The following NALF1 variants were observed in gnomAD, a reference collection of about 807,000 sequenced individuals.
The protein encoded by NALF1 is NALCN channel auxiliary factor 1.
Under a neutral mutation model 48.4 loss-of-function variants are expected in NALF1, and 3 were observed. That is an observed-to-expected ratio of 0.06 (90% CI 0.03 to 0.16). NALF1 has a LOEUF of 0.16. Among genes scored for constraint, NALF1 ranks in the 10% least tolerant of loss-of-function variants. The pLI is 1.00. For missense variants in NALF1, 526 were observed against 571.5 expected (o/e 0.92, Z 0.81); for synonymous variants, 262 against 245.7 (o/e 1.07, Z -0.62).
intron 1 of NALF1, among the ~76,000 whole-genome samples, chr13:107,246,371 C>G (rs896861584): frequency 6.6e-6 from 1 of 151,692 alleles, no homozygotes; most frequent in Non-Finnish European, 1.5e-5. Context: ...ATGAAGAGAA[C>G]AAAACAGATA....
At chr13:107,761,915 T>G (rs2138562080) in intron 1 of NALF1, among the ~76,000 whole-genome samples, 1 of 152,336 alleles carries the variant, frequency 6.6e-6, no homozygotes, top group African/African-American at 2.4e-5. Context: ...TTAAATGATT[T>G]AATATAAGGA....
At position 107,866,338 on chromosome 13, in the gene NALF1, TCTGCTGCTG is replaced by T. The variant is rs756515049; in HGVS notation, c.250_258del (p.Gln84_Gln86del). On this transcript the variant is annotated inframe_deletion, in exon 1 of 3. Coordinates refer to ENST00000375915, the MANE Select transcript of NALF1 (RefSeq NM_001080396.3). This position sits in a 1 kb window ranked among gnomAD's most constrained non-coding sequence, Gnocchi z 4.4. ...TGCTGCTGCTGCTGCTGCCGCTGCCTCTGCTGCTGCTGCTGCTGCTGCTGCTGCCGCTGC... is the reference window on the plus strand; with the variant it reads ...TGCTGCTGCTGCTGCTGCCGCTGCCTCTGCTGCTGCTGCTGCTGCCGCTGC... The T allele has an allele frequency of 2.6e-4, 415 of 1,598,748 alleles. 1 individual carries two copies. The highest frequency in any genetic ancestry group is 2.1e-3 in the South Asian group (185 of 89,748).
chr13:107,579,947 G>T (rs1566401671), intron 1 of NALF1, among the ~76,000 whole-genome samples: 2 of 151,760 alleles, frequency 1.3e-5, no homozygotes, highest in Non-Finnish European at 2.9e-5. Flanking sequence ...CCATTACTGG[G>T]TATATACCCA....
intron 1 of NALF1, among the ~76,000 whole-genome samples, chr13:107,732,008 T>C (rs535697252): frequency 4.7e-4 from 71 of 152,312 alleles, no homozygotes; most frequent in African/African-American, 1.6e-3. Flanking sequence ...AATTTAGAAT[T>C]GTTGGGGCCC....
At chr13:107,844,885 G>T (rs2138637716) in intron 1 of NALF1, among the ~76,000 whole-genome samples, 1 of 152,074 alleles carries the variant, frequency 6.6e-6, no homozygotes, top group Admixed American at 6.5e-5. Context: ...CCCAACAGTT[G>T]GTTCTTTCCT....
chr13:107,500,912 T>C (rs1156377456), intron 1 of NALF1, among the ~76,000 whole-genome samples: 1 of 136,682 alleles, frequency 7.3e-6, no homozygotes, highest in Non-Finnish European at 1.5e-5. Flanking sequence ...TGAAAACACA[T>C]GGACACAGGA....
intron 1 of NALF1, among the ~76,000 whole-genome samples, chr13:107,740,652 G>T (rs963154791): frequency 1.3e-5 from 2 of 152,218 alleles, no homozygotes; most frequent in Non-Finnish European, 2.9e-5. Flanking sequence ...CAAATTATTA[G>T]TAAGCTAGGA....
chr13:107,225,184 T>C (rs929145094), intron 1 of NALF1, among the ~76,000 whole-genome samples: 14 of 152,102 alleles, frequency 9.2e-5, no homozygotes, highest in Admixed American at 8.5e-4. Flanking sequence ...AATTTTTGTA[T>C]TTTAAGCAGA....
intron 1 of NALF1, among the ~76,000 whole-genome samples, chr13:107,452,302 A>G (rs548818224): frequency 6.6e-6 from 1 of 152,182 alleles, no homozygotes; most frequent in Non-Finnish European, 1.5e-5. Flanking sequence ...AGACTAGGTA[A>G]TTTATAAAGG....
At chr13:107,270,022 G>T (rs966138108) in intron 1 of NALF1, among the ~76,000 whole-genome samples, 1 of 142,398 alleles carries the variant, frequency 7.0e-6, no homozygotes, top group Non-Finnish European at 1.5e-5. Flanking sequence ...CGCCCGCCTC[G>T]CCCTCCCAAA....
At chr13:107,368,502 G>GCCA (rs1480588791) in intron 1 of NALF1, among the ~76,000 whole-genome samples, 6 of 151,994 alleles carry the variant, frequency 3.9e-5, no homozygotes, top group African/African-American at 9.7e-5. Flanking sequence ...CATCAGCAGG[G>GCCA]CCACGCTTGC....
intron 2 of NALF1, among the ~76,000 whole-genome samples, chr13:107,175,572 C>T (rs1371179499): frequency 6.6e-6 from 1 of 152,078 alleles, no homozygotes; most frequent in African/African-American, 2.4e-5. Context: ...GAAAATTTTC[C>T]AGCTCTTTTT....
chr13:107,855,792 TAAAG>T (rs1880428022), intron 1 of NALF1, among the ~76,000 whole-genome samples: 1 of 152,196 alleles, frequency 6.6e-6, no homozygotes, highest in South Asian at 2.1e-4. Context: ...ACCGCTTTGA[TAAAG>T]AAAACTGAGT....
At chr13:107,752,124 T>C (rs1224720284) in intron 1 of NALF1, among the ~76,000 whole-genome samples, 8 of 152,072 alleles carry the variant, frequency 5.3e-5, no homozygotes, top group Admixed American at 4.6e-4. Flanking sequence ...CATATTGGCA[T>C]GTCAGATGCC....
chr13:107,287,240 G>A (rs1881513798), intron 1 of NALF1, among the ~76,000 whole-genome samples: 2 of 152,250 alleles, frequency 1.3e-5, no homozygotes. Flanking sequence ...GAAAACTGAT[G>A]AGGTACAAAC....
intron 1 of NALF1, among the ~76,000 whole-genome samples, chr13:107,296,132 G>T (rs1485053974): frequency 6.6e-6 from 1 of 152,128 alleles, no homozygotes; most frequent in East Asian, 1.9e-4. Flanking sequence ...ATGAATTAAT[G>T]AAAAATATAG....
At chr13:107,354,870 C>A (rs1056334654) in intron 1 of NALF1, among the ~76,000 whole-genome samples, 2 of 152,140 alleles carry the variant, frequency 1.3e-5, no homozygotes, top group East Asian at 3.9e-4. Flanking sequence ...TGAGGTCCAG[C>A]AGCAACTGTG....
At chr13:107,829,049 A>G (rs1879623369) in intron 1 of NALF1, among the ~76,000 whole-genome samples, 1 of 152,186 alleles carries the variant, frequency 6.6e-6, no homozygotes, top group Admixed American at 6.5e-5. Context: ...TATCATGAAC[A>G]TGCCCCCTCT....
At chr13:107,217,564 TCTCTCCCTCTCTCA>T (rs1460222937) in intron 1 of NALF1, among the ~76,000 whole-genome samples, 1 of 152,100 alleles carries the variant, frequency 6.6e-6, no homozygotes, top group Non-Finnish European at 1.5e-5. Flanking sequence ...TCTCTCTCTT[TCTCTCCCTCTCTCA>T]CTCTGTTTCA....
Sources: gnomAD v4.1 joint callset for allele counts (sites outside exome capture counted in the v4.1 genomes callset) on GRCh38, gnomAD v4.1.1 for gene constraint, Gnocchi (gnomAD v3.1) non-coding constraint, MANE v1.5 for transcripts, NCBI Gene and HGNC (gene_info 2026-07-23, HGNC 2026-07-21) for gene names.